CHAT: variants seen among roughly 807,000 people sequenced by gnomAD.
The protein encoded by CHAT is acetyl CoA:choline O-acetyltransferase.
In CHAT, 61 loss-of-function variants were observed where a neutral mutation model predicts 76.9. That is an observed-to-expected ratio of 0.79 (90% CI 0.65 to 0.98). The LOEUF (loss-of-function observed/expected upper bound fraction) is 0.98. Ranked by LOEUF, CHAT falls within the 50% of genes least tolerant of loss-of-function variation. The pLI is 0.00. For synonymous variants in CHAT, 407 were observed against 397.4 expected, an observed-to-expected ratio of 1.02 and a Z score of -0.29; for missense variants, 946 against 986.9, an observed-to-expected ratio of 0.96 and a Z score of 0.56.
upstream of CHAT, chr10:49,612,671 C>T (rs768466496): frequency 1.3e-5 from 4 of 318,300 alleles, no homozygotes; most frequent in African/African-American, 2.1e-5. Flanking sequence ...ACTTGGGCCG[C>T]TGCACCGCGG....
intron 1 of CHAT, 106 bp from the exon 2 acceptor site, chr10:49,616,396 T>C (rs1211921826): frequency 1.1e-6 from 1 of 872,326 alleles, no homozygotes; most frequent in Non-Finnish European, 1.9e-6. Context: ...TGTCAGGCTC[T>C]GGCCTCCTCA....
At chr10:49,655,275 G>A in intron 12 of CHAT, 39 bp downstream of exon 12, 1 of 1,613,998 alleles carries the variant, frequency 6.2e-7, no homozygotes, top group Non-Finnish European at 8.5e-7. Flanking sequence ...GGAAACCAGT[G>A]AGGCTGCTGT....
chr10:49,652,073 T>C lies in CHAT; in HGVS notation c.1634+67T>C. 1.9e-6 allele frequency: 3 copies of C among 1,606,318 alleles called. No homozygotes were observed. The South Asian group carries it at 3.3e-5, about 18-fold the overall frequency. On this transcript the variant is annotated intron_variant, in intron 11 of 14. Coordinates refer to ENST00000337653, the MANE Select transcript of CHAT (RefSeq NM_020549.5). ...GGACACAGTGCTGTAGGATCTAGGG[T>C]CTAGAAGCATCCTGGAGGGAGGGAC...
At chr10:49,623,498 A>G (rs543734315) in intron 5 of CHAT, among the ~76,000 whole-genome samples, 1 of 152,302 alleles carries the variant, frequency 6.6e-6, no homozygotes, top group South Asian at 2.1e-4. Context: ...AGAGGAAGAG[A>G]AATAAGGCCT....
chr10:49,663,617 A>G (rs1213992136), intron 14 of CHAT, among the ~76,000 whole-genome samples: 1 of 152,228 alleles, frequency 6.6e-6, no homozygotes, highest in Admixed American at 6.5e-5. Flanking sequence ...GACAGAATGC[A>G]ATCCATTAGA....
chr10:49,634,933 A>G (rs1399253707), intron 7 of CHAT, among the ~76,000 whole-genome samples: 1 of 152,224 alleles, frequency 6.6e-6, no homozygotes, highest in Non-Finnish European at 1.5e-5. Context: ...GAAGTAATAC[A>G]GAGATCTCAT....
At chr10:49,644,131 C>A (rs912681847) in intron 7 of CHAT, among the ~76,000 whole-genome samples, 28 of 152,254 alleles carry the variant, frequency 1.8e-4, no homozygotes, top group African/African-American at 6.5e-4. Flanking sequence ...CAGGGCAGGG[C>A]TGGTACTGCC....
At chr10:49,662,557 C>T in intron 13 of CHAT, 88 bp from the exon 14 acceptor site, 2 of 1,552,232 alleles carry the variant, frequency 1.3e-6, no homozygotes, top group Non-Finnish European at 1.8e-6. Flanking sequence ...GCTGGAGTCA[C>T]CAGCAGTCCT....
intron 2 of CHAT, among the ~76,000 whole-genome samples, chr10:49,619,153 C>T (rs1328499556): frequency 1.3e-5 from 2 of 152,134 alleles, no homozygotes; most frequent in African/African-American, 4.8e-5. Context: ...CATCCAAAAC[C>T]ATCTTTTATC....
chr10:49,639,206 A>C (rs1339481555), intron 7 of CHAT, among the ~76,000 whole-genome samples: 1 of 152,200 alleles, frequency 6.6e-6, no homozygotes, highest in African/African-American at 2.4e-5. Context: ...TGCACTCTCC[A>C]GCTTGGGTGA....
At chr10:49,640,559 G>T (rs1271566469) in intron 7 of CHAT, among the ~76,000 whole-genome samples, 2 of 152,130 alleles carry the variant, frequency 1.3e-5, no homozygotes, top group Admixed American at 6.5e-5. Flanking sequence ...TGGGGAAAAG[G>T]ACGGAGGGCT....
At chr10:49,634,461 G>A (rs909483615) in intron 7 of CHAT, among the ~76,000 whole-genome samples, 6 of 152,248 alleles carry the variant, frequency 3.9e-5, no homozygotes. Flanking sequence ...TACTGTCCTT[G>A]TGGTCAGAGG....
At chr10:49,631,341 G>A (rs889897320) in intron 7 of CHAT, among the ~76,000 whole-genome samples, 4 of 152,152 alleles carry the variant, frequency 2.6e-5, no homozygotes, top group Non-Finnish European at 4.4e-5. Flanking sequence ...GTCTTCATGT[G>A]GTCTTGCCTC....
chr10:49,651,764 C>G, intron 10 of CHAT, 120 bp from the exon 11 acceptor site: 1 of 1,001,330 alleles, frequency 1.0e-6, no homozygotes, highest in Non-Finnish European at 1.5e-6. Flanking sequence ...AGGGCAGGGA[C>G]TACGTCCGCA....
In CHAT at chr10:49,646,685, C is replaced by T. The variant is rs1376841946; in HGVS notation, c.1281+11C>T. The T allele has an allele frequency of 1.2e-6, 2 of 1,612,666 alleles. No individual in the cohort carries two copies. Among genetic ancestry groups the T allele is most frequent in the African/African-American group, 1.3e-5 (1 of 74,912 alleles). On this transcript the variant is annotated intron_variant, in intron 8 of 14. Transcript: ENST00000337653. Reference sequence around the variant, plus strand: ...GACAAGTCCCTGCAGGTAAGCCGTCCAGGTGGCCCTGCAAGAGCACAGCCA... The same window carrying T: ...GACAAGTCCCTGCAGGTAAGCCGTCTAGGTGGCCCTGCAAGAGCACAGCCA...
rs562919861 is a variant in CHAT at position 49,642,702 on chromosome 10, T to C, written c.1112-3803T>C. ...GCCTCAGGAGCTGCAGTCTGCCCAC[T>C]CCACACTGGCTTTGGGGCTGTTTTT... is the stretch of plus-strand genomic sequence containing the variant. On this transcript the variant is annotated intron_variant, in intron 7 of 14. Coordinates refer to ENST00000337653, the MANE Select transcript of CHAT (RefSeq NM_020549.5). Among the ~76,000 whole-genome samples, 10 of 152,364 alleles carry C rather than the reference T, an allele frequency of 6.6e-5. 1 individual carries two copies. The highest frequency in any genetic ancestry group is 2.4e-4 in the African/African-American group (10 of 41,602).
chr10:49,625,521 C>T lies in CHAT; in HGVS notation c.801C>T (p.Pro267=), dbSNP rs977965356. 1.9e-6 allele frequency: 3 copies of T among 1,613,366 alleles called. No homozygotes were observed. Among genetic ancestry groups the T allele is most frequent in the African/African-American group, 2.7e-5 (2 of 74,922 alleles). ...CCAAAGGCCAGCTGTCAGGGCAGCC[C>T]CTTTGCATGAAGCAATACTATGGGC... ...DCAKGQLSGQ[P]LCMKQYYGLF... The change falls in exon 6 of 15, where the codon CCC becomes CCT. Residue 267 remains proline, a synonymous_variant. Transcript: ENST00000337653.
At chr10:49,653,465 G>A (rs776798962) in intron 11 of CHAT, among the ~76,000 whole-genome samples, 61 of 152,194 alleles carry the variant, frequency 4.0e-4, no homozygotes, top group Non-Finnish European at 7.3e-4. Context: ...AGGGCATAAA[G>A]TTACCCTGCA....
upstream of CHAT, chr10:49,612,148 C>T (rs1009325288): frequency 5.0e-6 from 8 of 1,611,524 alleles, no homozygotes; most frequent in Admixed American, 6.7e-5. Context: ...GCTGCTGCTC[C>T]GCAACGTGGG....
Sources: gnomAD v4.1 joint callset for allele counts (sites outside exome capture counted in the v4.1 genomes callset) on GRCh38, gnomAD v4.1.1 for gene constraint, MANE v1.5 for transcripts, NCBI Gene and HGNC (gene_info 2026-07-23, HGNC 2026-07-21) for gene names.